The following SP140 variants were observed in gnomAD, a reference collection of about 807,000 sequenced individuals.
SP140 encodes the protein nuclear body protein SP140.
SP140 carries 81 observed loss-of-function variants against 125.0 expected under a neutral mutation model. That is an observed-to-expected ratio of 0.65 (90% confidence interval 0.54 to 0.78). The LOEUF (loss-of-function observed/expected upper bound fraction) is 0.78. Ranked by LOEUF, SP140 falls within the 30% of genes least tolerant of loss-of-function variation. The probability of loss-of-function intolerance (pLI) is 0.00; values close to 1 mark genes in which losing one functional copy is unlikely to be tolerated. For synonymous variants in SP140, 312 were observed against 354.0 expected (o/e 0.88, Z 1.33); for missense variants, 858 against 1,037.0 (o/e 0.83, Z 2.37).
In SP140 at chr2:230,241,497, A is replaced by G; in HGVS notation, c.490+10A>G. ...CCATATGGTAAACAAGGTAACTATC[A>G]TTTAGCTGATCAATGCCCTTATTAA... On this transcript the variant is annotated intron_variant, in intron 4 of 26. Coordinates refer to ENST00000392045, the MANE Select transcript of SP140 (RefSeq NM_007237.5). The G allele has an allele frequency of 6.8e-7, 1 of 1,460,674 alleles. No homozygotes were observed. Among genetic ancestry groups the G allele is most frequent in the African/African-American group, 1.4e-5 (1 of 71,936 alleles). 90.5% of individuals were successfully genotyped at this position (1,460,674 alleles called of 1,614,324 possible). A position where few individuals can be genotyped will look rare whatever the true frequency, so the allele number is the denominator to read the frequency against.
chr2:230,293,228 GT>G (rs898636817), intron 20 of SP140, among the ~76,000 whole-genome samples: 2 of 152,252 alleles, frequency 1.3e-5, no homozygotes, highest in Non-Finnish European at 2.9e-5. Flanking sequence ...ATTGGGGCAG[GT>G]TGTGCAGGGC....
the SP140 span, among the ~76,000 whole-genome samples, chr2:230,188,865 C>T: frequency 6.6e-6 from 1 of 151,968 alleles, no homozygotes; most frequent in Non-Finnish European, 1.5e-5. Flanking sequence ...TGATGGGCTG[C>T]TGGATTCAAT....
chr2:230,238,284 G>A lies in SP140; in HGVS notation c.309G>A (p.Glu103=), dbSNP rs2149110631. Residue 103 remains glutamate (E), a synonymous_variant, in exon 3 of 27, where the codon GAG becomes GAA. Transcript: ENST00000392045. ...TGTATTGTGTACTCAGTGAACTGGA[G>A]AAGACATTTGGCTGGTCACATCTGG... is the stretch of plus-strand genomic sequence containing the variant. The part of the protein sequence containing the change: ...RVMYCVLSEL[E]KTFGWSHLEA... The A allele has an allele frequency of 2.5e-6, 4 of 1,613,906 alleles. No individual in the cohort carries two copies. Among genetic ancestry groups the A allele is most frequent in the South Asian group, 1.1e-5 (1 of 91,076 alleles).
chr2:230,221,923 A>C (rs575500051), upstream of SP140: 54 of 612,492 alleles, frequency 8.8e-5, no homozygotes, highest in African/African-American at 9.2e-4. Flanking sequence ...AAAGATGTTT[A>C]TTCTAAGCCA....
At chr2:230,306,828 G>C (rs2058804209) in intron 22 of SP140, among the ~76,000 whole-genome samples, 1 of 152,254 alleles carries the variant, frequency 6.6e-6, no homozygotes, top group South Asian at 2.1e-4. Flanking sequence ...TGGGCACCAT[G>C]GGTGGTGGGG....
chr2:230,194,419 G>A, the SP140 span, among the ~76,000 whole-genome samples: 4 of 151,620 alleles, frequency 2.6e-5, no homozygotes. Flanking sequence ...GGACAACATA[G>A]CAAGACCTGG....
At chr2:230,228,607 C>T (rs563634701) in intron 1 of SP140, among the ~76,000 whole-genome samples, 1 of 152,274 alleles carries the variant, frequency 6.6e-6, no homozygotes, top group Admixed American at 6.5e-5. Context: ...TGTGTACCTT[C>T]TTGGAGAATT....
intron 15 of SP140, among the ~76,000 whole-genome samples, chr2:230,273,259 A>T (rs1432632111): frequency 6.6e-6 from 1 of 152,238 alleles, no homozygotes; most frequent in Non-Finnish European, 1.5e-5. Flanking sequence ...AAAAACAAAC[A>T]GCCCCATTAA....
At position 230,245,948 on chromosome 2, in the gene SP140, G is replaced by A. The variant is rs763693168; in HGVS notation, c.742+8G>A. 1.2e-5 allele frequency: 19 copies of A among 1,537,790 alleles called. No homozygotes were observed. Among genetic ancestry groups the A allele is most frequent in the Non-Finnish European group, 1.7e-5 (19 of 1,110,708 alleles). ...TGCCTTATGATACAGAAGGTAATTA[G>A]GATTTAAATTAAAGCTTTATTTTTC... On this transcript the variant is annotated splice_region_variant and intron_variant, in intron 7 of 26. Coordinates refer to ENST00000392045, the MANE Select transcript of SP140 (RefSeq NM_007237.5).
chr2:230,288,225 G>A (rs2056646263), intron 18 of SP140: 1 of 381,890 alleles, frequency 2.6e-6, no homozygotes, highest in South Asian at 4.2e-5. Context: ...AAATTTCAAG[G>A]CTGGAGATAG....
At chr2:230,289,286 A>G (rs1434579327) in intron 18 of SP140, among the ~76,000 whole-genome samples, 7 of 152,174 alleles carry the variant, frequency 4.6e-5, no homozygotes, top group Non-Finnish European at 8.8e-5. Context: ...GTCTGTTCAT[A>G]TCCTTTGCCC....
At chr2:230,287,067 A>G (rs1227951828) in intron 17 of SP140, among the ~76,000 whole-genome samples, 1 of 152,218 alleles carries the variant, frequency 6.6e-6, no homozygotes, top group Non-Finnish European at 1.5e-5. Flanking sequence ...GTAAACATTG[A>G]GATGCCCATT....
At chr2:230,234,028 T>C (rs556030617) in intron 1 of SP140, among the ~76,000 whole-genome samples, 1 of 152,314 alleles carries the variant, frequency 6.6e-6, no homozygotes, top group Admixed American at 6.5e-5. Context: ...GAGACATCAG[T>C]ATTGTAACTG....
upstream of SP140, chr2:230,202,943 A>C: frequency 1.7e-6 from 1 of 590,834 alleles, no homozygotes; most frequent in Non-Finnish European, 3.0e-6. Flanking sequence ...ATCTGCTTTC[A>C]CTCCTGGTAT....
intron 22 of SP140, among the ~76,000 whole-genome samples, chr2:230,307,988 T>TACAC (rs1491113448): frequency 1.5e-4 from 11 of 74,440 alleles, no homozygotes; most frequent in African/African-American, 4.7e-4. Flanking sequence ...TATATATATA[T>TACAC]ATACACACAC....
chr2:230,189,544 G>A, the SP140 span, among the ~76,000 whole-genome samples: 83 of 152,240 alleles, frequency 5.5e-4, no homozygotes, highest in Non-Finnish European at 1.1e-3. Flanking sequence ...GTGATCTGAG[G>A]AGATACTTAA....
chr2:230,309,555 T>C (rs1240302984), intron 22 of SP140, among the ~76,000 whole-genome samples: 1 of 152,260 alleles, frequency 6.6e-6, no homozygotes, highest in African/African-American at 2.4e-5. Context: ...TTTTCACTAG[T>C]TGATTTGTGG....
intron 1 of SP140, among the ~76,000 whole-genome samples, chr2:230,236,151 A>G (rs2047983667): frequency 6.6e-6 from 1 of 152,154 alleles, no homozygotes; most frequent in African/African-American, 2.4e-5. Context: ...CTGGGATTAC[A>G]GGCGTGAGCC....
intron 15 of SP140, among the ~76,000 whole-genome samples, chr2:230,275,672 G>A (rs982721371): frequency 1.3e-4 from 20 of 152,100 alleles, no homozygotes; most frequent in East Asian, 5.8e-4. Context: ...TAAAGGAAGC[G>A]TCACATGTGT....
Sources: allele counts gnomAD v4.1 joint callset (sites outside exome capture counted in the v4.1 genomes callset), GRCh38; gene constraint gnomAD v4.1.1; transcripts MANE v1.5; gene names NCBI Gene and HGNC (gene_info 2026-07-23, HGNC 2026-07-21).